MGST3: variants seen among roughly 807,000 people sequenced by gnomAD.
The protein encoded by MGST3 is microsomal glutathione S-transferase 3, also known as glutathione S-transferase 3, mitochondrial.
MGST3 carries 13 observed loss-of-function variants against 15.8 expected under a neutral mutation model. That is an observed-to-expected ratio of 0.82 (90% confidence interval 0.54 to 1.31). The LOEUF is 1.31. Ranked by LOEUF, MGST3 falls within the 50% of genes most tolerant of loss-of-function variation. The pLI, the probability that MGST3 is intolerant of heterozygous loss-of-function variation, is 0.00. For missense variants in MGST3, 155 were observed against 192.4 expected (o/e 0.81, Z 1.15); for synonymous variants, 49 against 68.1 (o/e 0.72, Z 1.38).
At chr1:165,654,402 C>A in intron 5 of MGST3, 51 bp downstream of exon 5, 1 of 1,549,246 alleles carries the variant, frequency 6.5e-7, no homozygotes, top group East Asian at 2.3e-5. Flanking sequence ...ATTTTAAATC[C>A]TATGCTGGCC....
At position 165,651,088 on chromosome 1, in the gene MGST3, G is replaced by A. The variant is rs773491311; in HGVS notation, c.191+1G>A. On this transcript the variant is annotated splice_donor_variant, in intron 3 of 5. Transcript: ENST00000367889. LOFTEE classifies it high-confidence loss of function. ...GCATTCAGCGAGCCCACCAGAACACGTGAGTGTCGGCCCTGCCGGGCACCA... is the reference window on the plus strand; with the variant it reads ...GCATTCAGCGAGCCCACCAGAACACATGAGTGTCGGCCCTGCCGGGCACCA... 9 of 1,614,044 alleles carry A rather than the reference G, an allele frequency of 5.6e-6. No individual in the cohort carries two copies. Among genetic ancestry groups the A allele is most frequent in the South Asian group, 5.5e-5 (5 of 91,074 alleles).
At chr1:165,651,322 T>C in intron 3 of MGST3, 1 of 568,732 alleles carries the variant, frequency 1.8e-6, no homozygotes. Context: ...GTCTTCATGG[T>C]TGCATTACCT....
rs138694175 is a variant in MGST3 at position 165,654,119 on chromosome 1, G to A, written c.250-160G>A. ...AGAATCACAGATATTTTATTTTCCC[G>A]CTGAAACTAACTTAATTCTACCTAA... On this transcript the variant is annotated intron_variant, in intron 4 of 5. Coordinates refer to ENST00000367889, the MANE Select transcript of MGST3 (RefSeq NM_004528.4). 3.9e-3 allele frequency: 2,722 copies of A among 705,738 alleles called. 40 individuals carry two copies. Among genetic ancestry groups the A allele is most frequent in the Non-Finnish European group, 1.5e-3 (587 of 390,240 alleles). The allele number at this position is 705,738 out of a possible 1,614,324, so 43.7% of individuals were successfully genotyped here.
At chr1:165,653,182 C>G (rs557384914) in intron 4 of MGST3, among the ~76,000 whole-genome samples, 11 of 152,264 alleles carry the variant, frequency 7.2e-5, no homozygotes, top group South Asian at 2.1e-4. Context: ...CTAAAGATCC[C>G]CATTCCTAGC....
At chr1:165,642,225 G>C (rs1648281604) in intron 1 of MGST3, among the ~76,000 whole-genome samples, 1 of 152,194 alleles carries the variant, frequency 6.6e-6, no homozygotes, top group Non-Finnish European at 1.5e-5. Flanking sequence ...TTCGTCTCCA[G>C]CACTAGCCCA....
chr1:165,651,579 A>G (rs1209727757), intron 3 of MGST3: 2 of 296,794 alleles, frequency 6.7e-6, no homozygotes, highest in South Asian at 3.5e-5. Context: ...TTTACCCCCA[A>G]GCTTCTAACT....
intron 4 of MGST3, 199 bp from the exon 5 acceptor site, chr1:165,654,080 A>C: frequency 1.7e-6 from 1 of 583,450 alleles, no homozygotes; most frequent in East Asian, 3.2e-5. Context: ...TCCACAAGCC[A>C]AGCCATTCAT....
At chr1:165,651,542 G>T in intron 3 of MGST3, 1 of 306,128 alleles carries the variant, frequency 3.3e-6, no homozygotes, top group Non-Finnish European at 6.2e-6. Flanking sequence ...TAGTGACCAG[G>T]TCTTCTCCCT....
intron 1 of MGST3, among the ~76,000 whole-genome samples, chr1:165,642,680 A>C (rs930337641): frequency 1.4e-4 from 21 of 152,214 alleles, no homozygotes; most frequent in African/African-American, 5.1e-4. Context: ...ATGTCCATCT[A>C]ATCCTCTCAA....
At chr1:165,642,843 C>G (rs1648295703) in intron 1 of MGST3, among the ~76,000 whole-genome samples, 2 of 152,218 alleles carry the variant, frequency 1.3e-5, no homozygotes, top group African/African-American at 4.8e-5. Flanking sequence ...CTGCATTCAA[C>G]TGCAAAGCTG....
At chr1:165,653,851 G>A (rs2101725750) in intron 4 of MGST3, 1 of 276,122 alleles carries the variant, frequency 3.6e-6, no homozygotes, top group East Asian at 9.6e-5. Context: ...CAGCAGCTGA[G>A]TCTTCAGTCA....
At chr1:165,651,640 A>ACCT (rs1648559627) in intron 3 of MGST3, 3 of 333,556 alleles carry the variant, frequency 9.0e-6, no homozygotes, top group Non-Finnish European at 1.7e-5. Flanking sequence ...AGGTGGGCTC[A>ACCT]CACCTGTAAT....
intron 5 of MGST3, among the ~76,000 whole-genome samples, 194 bp from the exon 6 acceptor site, chr1:165,655,174 A>C (rs1231836681): frequency 6.6e-6 from 1 of 152,234 alleles, no homozygotes; most frequent in Non-Finnish European, 1.5e-5. Flanking sequence ...GATCCAAGCA[A>C]TACTACTGTG....
chr1:165,655,614 C>T lies in MGST3; in HGVS notation c.*110C>T, dbSNP rs1648688305. The T allele has an allele frequency of 7.7e-7, 1 of 1,298,162 alleles. No homozygotes were observed. The highest frequency in any genetic ancestry group is 1.1e-6 in the Non-Finnish European group (1 of 924,618). 80.4% of individuals were successfully genotyped at this position (1,298,162 alleles called of 1,614,324 possible). On this transcript the variant is annotated 3_prime_UTR_variant, in exon 6 of 6. Transcript: ENST00000367889. Reference sequence around the variant, plus strand: ...AAACTTACCTGGCATCAGCCTCATACCTAAAACTCCTGACTCTTACCACTC... The same window carrying T: ...AAACTTACCTGGCATCAGCCTCATATCTAAAACTCCTGACTCTTACCACTC...
intron 2 of MGST3, 161 bp downstream of exon 2, chr1:165,650,125 G>C (rs1648512253): frequency 4.8e-6 from 5 of 1,044,540 alleles, no homozygotes; most frequent in Non-Finnish European, 7.0e-6. Flanking sequence ...TGGTAGGAAA[G>C]AGGCAAGAAA....
intron 1 of MGST3, among the ~76,000 whole-genome samples, chr1:165,633,675 G>T (rs1369499653): frequency 6.6e-6 from 1 of 152,098 alleles, no homozygotes. Flanking sequence ...ACCCTAACGG[G>T]CATTCAGCAG....
Position 165,649,964 on chromosome 1 carries a change from G to A in MGST3, c.117G>A (p.Glu39=), listed in dbSNP as rs747362047. ...AGGCCCGCAAGAAGTACAAAGTGGA[G>A]GTAAGTGGGAACACAAGCTGGTGCC... ...VSKARKKYKV[E]YPIMYSTDPE... The change falls in exon 2 of 6, where the codon GAG becomes GAA. Residue 39 remains glutamate, a splice_region_variant and synonymous_variant. Coordinates refer to ENST00000367889, the MANE Select transcript of MGST3 (RefSeq NM_004528.4). 1 of 1,613,998 alleles carries A rather than the reference G, an allele frequency of 6.2e-7. No homozygotes were observed. The highest frequency in any genetic ancestry group is 8.5e-7 in the Non-Finnish European group (1 of 1,180,034).
rs765815804 is a variant in MGST3 at position 165,655,479 on chromosome 1, G to A, written c.434G>A (p.Gly145Asp). 1.2e-6 allele frequency: 2 copies of A among 1,614,036 alleles called. No homozygotes were observed. The highest frequency in any genetic ancestry group is 3.3e-5 in the Admixed American group (2 of 59,998). Residue 145 changes from glycine (G) to aspartate (D), a missense_variant, in exon 6 of 6, where the codon GGC becomes GAC. By Grantham distance (94) the Gly-to-Asp change is moderately conservative. Transcript: ENST00000367889. Reference sequence around the variant, plus strand: ...CTTGGTTGGGTTAAAAGTGGCTTGGGCAGTGGACCCAAATGCTGCCATTAA... The same window carrying A: ...CTTGGTTGGGTTAAAAGTGGCTTGGACAGTGGACCCAAATGCTGCCATTAA... The part of the protein sequence containing the change: ...QHLGWVKSGL[G>D]SGPKCCH
chr1:165,648,250 C>T (rs1346522699), intron 1 of MGST3, among the ~76,000 whole-genome samples: 5 of 152,214 alleles, frequency 3.3e-5, no homozygotes, highest in Admixed American at 3.3e-4. Flanking sequence ...TGCCCCCCAG[C>T]CCCCGGAGGG....
Sources: gnomAD v4.1 joint callset for allele counts (sites outside exome capture counted in the v4.1 genomes callset) on GRCh38, gnomAD v4.1.1 for gene constraint, MANE v1.5 for transcripts, NCBI Gene and HGNC (gene_info 2026-07-23, HGNC 2026-07-21) for gene names.